SRP19: variants seen among roughly 807,000 people sequenced by gnomAD.
SRP19 encodes signal recognition particle 19.
Under a neutral mutation model 22.4 loss-of-function variants are expected in SRP19, and 11 were observed. The ratio of observed to expected loss-of-function variants is 0.49; its 90% CI spans 0.31 to 0.81. The LOEUF (loss-of-function observed/expected upper bound fraction) is 0.81, where lower values mean the gene tolerates loss of function less well. Among genes scored for constraint, SRP19 ranks in the 40% least tolerant of loss-of-function variants. The probability of loss-of-function intolerance (pLI) is 0.05; values close to 1 mark genes in which losing one functional copy is unlikely to be tolerated. For synonymous variants in SRP19, 61 were observed against 57.6 expected (o/e 1.06, Z -0.27); for missense variants, 168 against 175.9 (o/e 0.96, Z 0.25).
chr5:112,866,529 T>A (rs1179528244), intron 4 of SRP19, among the ~76,000 whole-genome samples: 2 of 151,822 alleles, frequency 1.3e-5, no homozygotes, highest in South Asian at 4.2e-4. Flanking sequence ...GGGGTTTTGC[T>A]ATGTTTCCTA....
chr5:112,869,605 C>G lies in SRP19; in HGVS notation c.*2068C>G, dbSNP rs1767711899. The G allele has an allele frequency of 6.6e-6, 1 of 152,234 alleles. No individual in the cohort carries two copies. Among genetic ancestry groups the G allele is most frequent in the Non-Finnish European group, 1.5e-5 (1 of 68,096 alleles). 9.4% of individuals were successfully genotyped at this position (152,234 alleles called of 1,614,324 possible). On this transcript the variant is annotated 3_prime_UTR_variant, in exon 5 of 5. Coordinates refer to ENST00000505459, the MANE Select transcript of SRP19 (RefSeq NM_003135.3). ...GATATGGTTTGGCTGCTACCCAACC[C>G]AAAATCTCATCTTGAATTATAATCC...
exon 5 of SRP19, chr5:112,892,102 A>C (rs712665): frequency 6.2e-7 from 1 of 1,613,158 alleles, no homozygotes; most frequent in East Asian, 2.2e-5. Flanking sequence ...TTTAGAAAAT[A>C]GTACCACATG....
At chr5:112,886,100 C>G (rs879745265) in intron 4 of SRP19, among the ~76,000 whole-genome samples, 9 of 152,202 alleles carry the variant, frequency 5.9e-5, no homozygotes, top group Admixed American at 1.3e-4. Flanking sequence ...TGGTTAGTGT[C>G]TAAGGAGTGA....
intron 1 of SRP19, among the ~76,000 whole-genome samples, chr5:112,861,798 A>G (rs184211442): frequency 8.3e-4 from 127 of 152,328 alleles, no homozygotes; most frequent in Middle Eastern, 3.4e-3. Flanking sequence ...GACACTTTAT[A>G]TAAGAGGGCG....
intron 4 of SRP19, among the ~76,000 whole-genome samples, chr5:112,889,456 TAAAG>T (rs1768362911): frequency 6.6e-6 from 1 of 150,828 alleles, no homozygotes; most frequent in Admixed American, 6.6e-5. Context: ...AATAGGATGA[TAAAG>T]AAGGAAAGCA....
chr5:112,872,896 C>T (rs957712591), downstream of SRP19, among the ~76,000 whole-genome samples: 4 of 152,048 alleles, frequency 2.6e-5, no homozygotes, highest in African/African-American at 9.7e-5. Context: ...AAAATTTCAT[C>T]ATTCTACCCT....
downstream of SRP19, among the ~76,000 whole-genome samples, chr5:112,873,271 C>CTTTTTTTTTTTTTTTTTTTTTTTTTTTT (rs35379154): frequency 2.0e-4 from 10 of 50,714 alleles, no homozygotes; most frequent in Admixed American, 3.0e-4. Flanking sequence ...CTCAGGTTTT[C>CTTTTTTTTTTTTTTTTTTTTTTTTTTTT]TTTTTTTTTT....
chr5:112,869,489 C>G lies in SRP19; in HGVS notation c.*1952C>G, dbSNP rs1218421666. 1 of 152,326 alleles carries G rather than the reference C, an allele frequency of 6.6e-6. No individual in the cohort carries two copies. The highest frequency in any genetic ancestry group is 1.5e-5 in the Non-Finnish European group (1 of 68,150). 9.4% of individuals were successfully genotyped at this position (152,326 alleles called of 1,614,324 possible). A position where few individuals can be genotyped will look rare whatever the true frequency, so the allele number is the denominator to read the frequency against. On this transcript the variant is annotated 3_prime_UTR_variant, in exon 5 of 5. Transcript: ENST00000505459. The stretch of plus-strand genomic sequence containing the variant: ...AGTGAACACAGCAGTCCTCCTTATC[C>G]TTGGGGAATACATTCCAAGAGTGGA...
At chr5:112,892,830 T>C (rs764149808) in exon 5 of SRP19, 1 of 1,612,672 alleles carries the variant, frequency 6.2e-7, no homozygotes, top group Non-Finnish European at 8.5e-7. Flanking sequence ...ACAAAAGAAA[T>C]GGGGAATCCG....
At chr5:112,875,597 C>A (rs1767876270) in intron 4 of SRP19, among the ~76,000 whole-genome samples, 1 of 151,932 alleles carries the variant, frequency 6.6e-6, no homozygotes, top group Non-Finnish European at 1.5e-5. Flanking sequence ...TGAACTCATG[C>A]ACTCAAGCAA....
At chr5:112,886,285 A>G (rs1768241192) in intron 4 of SRP19, among the ~76,000 whole-genome samples, 1 of 152,328 alleles carries the variant, frequency 6.6e-6, no homozygotes, top group African/African-American at 2.4e-5. Context: ...CAGCAGTCCA[A>G]GGTATTCGAT....
intron 4 of SRP19, among the ~76,000 whole-genome samples, chr5:112,889,460 G>C (rs1045025672): frequency 5.3e-5 from 8 of 150,696 alleles, no homozygotes; most frequent in Non-Finnish European, 8.8e-5. Flanking sequence ...GGATGATAAA[G>C]AAGGAAAGCA....
At chr5:112,878,869 T>C (rs1315539339) in intron 4 of SRP19, 1 of 1,613,688 alleles carries the variant, frequency 6.2e-7, no homozygotes, top group East Asian at 2.2e-5. Flanking sequence ...GAAAAATATA[T>C]CAAAGCTCTT....
chr5:112,892,123 G>A, exon 5 of SRP19: 2 of 1,614,150 alleles, frequency 1.2e-6, no homozygotes, highest in Non-Finnish European at 1.7e-6. Flanking sequence ...GCAAAACCCA[G>A]AACCACCCGT....
At chr5:112,892,263 GA>G in exon 5 of SRP19, 6 of 1,614,074 alleles carry the variant, frequency 3.7e-6, no homozygotes, top group Non-Finnish European at 5.1e-6. Context: ...TTCTTATTAA[GA>G]GCATGTTTAC....
At chr5:112,866,427 G>T (rs906146446) in intron 4 of SRP19, among the ~76,000 whole-genome samples, 6 of 152,092 alleles carry the variant, frequency 3.9e-5, no homozygotes, top group African/African-American at 1.4e-4. Context: ...ACACACTGCA[G>T]TCTTGACCTC....
intron 4 of SRP19, among the ~76,000 whole-genome samples, chr5:112,883,175 T>TAGCC (rs1037582417): frequency 6.6e-6 from 1 of 152,282 alleles, no homozygotes; most frequent in Non-Finnish European, 1.5e-5. Flanking sequence ...CTTCCAGTTA[T>TAGCC]AGCCCCATTC....
At chr5:112,890,281 C>T (rs1464348051) in intron 4 of SRP19, among the ~76,000 whole-genome samples, 1 of 149,874 alleles carries the variant, frequency 6.7e-6, no homozygotes, top group Admixed American at 6.7e-5. Flanking sequence ...GACAGCAAGA[C>T]CCTGTCTCAA....
chr5:112,892,444 C>T lies in SRP19; in HGVS notation c.*837C>T, dbSNP rs186311090. On this transcript the variant is annotated 3_prime_UTR_variant, in exon 5 of 5. Transcript: ENST00000391338. ...GTTCAAGGTCAGCTGCAATTTGGAA[C>T]CTCACCTGAGGGGCAATGTATATGT... 8.4e-5 allele frequency: 135 copies of T among 1,614,086 alleles called. No homozygotes were observed. The African/African-American group carries it at 1.6e-3, about 19-fold the overall frequency.
Sources: allele counts gnomAD v4.1 joint callset (sites outside exome capture counted in the v4.1 genomes callset), GRCh38; gene constraint gnomAD v4.1.1; transcripts MANE v1.5; gene names NCBI Gene and HGNC (gene_info 2026-07-23, HGNC 2026-07-21).